Variants in FAM200B observed in about 807,000 individuals in gnomAD.
The protein encoded by FAM200B is zinc finger BED-type containing 11.
Under a neutral mutation model 33.1 loss-of-function variants are expected in FAM200B, and 32 were observed. The ratio of observed to expected loss-of-function variants is 0.97; its 90% CI spans 0.73 to 1.30. FAM200B has a LOEUF of 1.30. Among genes scored for constraint, FAM200B ranks in the 50% most tolerant of loss-of-function variants. The pLI is 0.00. For synonymous variants in FAM200B, 240 were observed against 264.8 expected, an observed-to-expected ratio of 0.91 and a Z score of 0.91; for missense variants, 741 against 754.0, an observed-to-expected ratio of 0.98 and a Z score of 0.20.
the FAM200B span, among the ~76,000 whole-genome samples, chr4:15,667,427 A>G: frequency 6.6e-6 from 1 of 151,968 alleles, no homozygotes. Flanking sequence ...TATTCATTTC[A>G]TCCAAATGAG....
At chr4:15,651,222 A>G in the FAM200B span, among the ~76,000 whole-genome samples, 1 of 152,210 alleles carries the variant, frequency 6.6e-6, no homozygotes, top group Non-Finnish European at 1.5e-5. Flanking sequence ...ACCCACAGGT[A>G]AACTGTTTTG....
At position 15,688,932 on chromosome 4, in the gene FAM200B, G is replaced by T. The variant is rs1219074245; in HGVS notation, c.1955G>T (p.Arg652Met). ...CVPDWNELMN[R>M]QAHPS ...CCAGACTGGAATGAACTTATGAACA[G>T]GCAAGCACACCCATCATAGTAAATA... Residue 652 changes from arginine to methionine, a missense_variant, in exon 2 of 2, where the codon AGG (arginine) becomes ATG (methionine). Physicochemically the swap from Arg to Met is moderately conservative, Grantham distance 91. Transcript: ENST00000422728. The T allele has an allele frequency of 1.3e-6, 2 of 1,502,704 alleles. No homozygotes were observed. Among genetic ancestry groups the T allele is most frequent in the African/African-American group, 2.8e-5 (2 of 71,530 alleles). 93.1% of individuals were successfully genotyped at this position (1,502,704 alleles called of 1,614,324 possible). A position where few individuals can be genotyped will look rare whatever the true frequency, so the allele number is the denominator to read the frequency against.
rs774127131 is a variant in FAM200B at position 15,687,362 on chromosome 4, A to G, written c.385A>G (p.Ile129Val). The change falls in exon 2 of 2, where the codon ATA (isoleucine) becomes GTA (valine). Residue 129 changes from isoleucine (I) to valine (V), a missense_variant. Coordinates refer to ENST00000422728, the MANE Select transcript of FAM200B (RefSeq NM_001145191.2). ...ATATTTTCAAAGAAAGAAAAAAGAC[A>G]TAAAGTTATCAACACAATTTCTTAG... ...LEYFQRKKKDIKLSTQFLSCS... is the reference protein window; with the variant it reads ...LEYFQRKKKDVKLSTQFLSCS... 61 of 1,546,270 alleles carry G rather than the reference A, an allele frequency of 3.9e-5. No homozygotes were observed. The African/African-American group carries it at 7.0e-4, about 18-fold the overall frequency.
At chr4:15,646,585 G>A in the FAM200B span, among the ~76,000 whole-genome samples, 5 of 151,822 alleles carry the variant, frequency 3.3e-5, no homozygotes, top group Non-Finnish European at 7.4e-5. Flanking sequence ...TTAGGTACAT[G>A]TGCACAACGT....
chr4:15,664,119 A>C, the FAM200B span, among the ~76,000 whole-genome samples: 2 of 152,206 alleles, frequency 1.3e-5, no homozygotes, highest in Non-Finnish European at 2.9e-5. Context: ...TTTTTAGGTA[A>C]CACACAATAC....
the FAM200B span, chr4:15,644,481 T>G: frequency 6.9e-6 from 11 of 1,589,162 alleles, no homozygotes; most frequent in South Asian, 1.2e-4. Flanking sequence ...AATATCCATT[T>G]TTGCAACTTA....
At chr4:15,677,938 CTG>C (rs34529280), upstream of FAM200B, among the ~76,000 whole-genome samples, 97,252 of 151,746 alleles carry the variant, frequency 0.64, 31,282 homozygotes, top group Non-Finnish European at 0.66. Flanking sequence ...AGCGCTTAAC[CTG>C]TGTGGCAACT....
chr4:15,681,474 T>G (rs1718265277), upstream of FAM200B: 1 of 167,188 alleles, frequency 6.0e-6, no homozygotes, highest in African/African-American at 2.4e-5. Context: ...GCTCTGGGAC[T>G]CTGTCCGGAC....
At chr4:15,664,914 A>G in the FAM200B span, among the ~76,000 whole-genome samples, 1 of 152,050 alleles carries the variant, frequency 6.6e-6, no homozygotes, top group Non-Finnish European at 1.5e-5. Context: ...ACAGGTACAA[A>G]TGTCACAATA....
At chr4:15,676,010 C>T in the FAM200B span, among the ~76,000 whole-genome samples, 1 of 152,160 alleles carries the variant, frequency 6.6e-6, no homozygotes, top group South Asian at 2.1e-4. Flanking sequence ...TGAAAAAGAG[C>T]TCTACTTTTA....
the FAM200B span, among the ~76,000 whole-genome samples, chr4:15,649,175 G>C: frequency 6.6e-6 from 1 of 151,594 alleles, no homozygotes; most frequent in East Asian, 1.9e-4. Context: ...AAAAAAAAAA[G>C]AGCAACAGAG....
chr4:15,670,999 C>T, the FAM200B span, among the ~76,000 whole-genome samples: 2 of 133,754 alleles, frequency 1.5e-5, no homozygotes, highest in African/African-American at 5.6e-5. Context: ...TCTCGGCTCA[C>T]TATAACCTCC....
the FAM200B span, chr4:15,655,298 TCAGCCTCCGCCTCAG>T: frequency 7.1e-7 from 1 of 1,404,440 alleles, no homozygotes; most frequent in African/African-American, 1.5e-5. Context: ...CGCCACTGCC[TCAGCCTCCGCCTCAG>T]CAGCCGCGGC....
the FAM200B span, chr4:15,656,127 G>A: frequency 4.4e-6 from 2 of 454,770 alleles, no homozygotes. Flanking sequence ...GGCCTTGGGG[G>A]TGGGGAGAAG....
the FAM200B span, chr4:15,659,824 G>T: frequency 1.4e-6 from 1 of 734,718 alleles, no homozygotes; most frequent in Non-Finnish European, 1.7e-6. Context: ...TAGGGAGAAA[G>T]AATGGTTCCA....
the FAM200B span, chr4:15,640,710 A>G: frequency 1.4e-6 from 1 of 737,878 alleles, no homozygotes; most frequent in Non-Finnish European, 2.2e-6. Flanking sequence ...CCTATGCATT[A>G]TTTTGAAGAG....
chr4:15,652,973 CCTTT>C, the FAM200B span, among the ~76,000 whole-genome samples: 5 of 152,128 alleles, frequency 3.3e-5, no homozygotes, highest in East Asian at 7.7e-4. Context: ...AGGTACTCTT[CCTTT>C]AATTCCTTTA....
the FAM200B span, among the ~76,000 whole-genome samples, chr4:15,646,368 AT>A: frequency 4.7e-5 from 7 of 149,856 alleles, no homozygotes; most frequent in East Asian, 1.2e-3. Flanking sequence ...CATATTATAG[AT>A]TTTTTTTTAA....
the FAM200B span, among the ~76,000 whole-genome samples, chr4:15,667,278 T>C: frequency 6.6e-6 from 1 of 152,186 alleles, no homozygotes; most frequent in Non-Finnish European, 1.5e-5. Flanking sequence ...TACAAGTACC[T>C]AGTCCAATGC....
Sources: gnomAD v4.1 joint callset for allele counts (sites outside exome capture counted in the v4.1 genomes callset) on GRCh38, gnomAD v4.1.1 for gene constraint, MANE v1.5 for transcripts, NCBI Gene and HGNC (gene_info 2026-07-23, HGNC 2026-07-21) for gene names.